NFIA: variants seen among roughly 807,000 people sequenced by gnomAD.
NFIA encodes nuclear factor 1 A-type.
NFIA carries 8 observed loss-of-function variants against 62.8 expected under a neutral mutation model. That is an observed-to-expected ratio of 0.13 (90% CI 0.07 to 0.23). The LOEUF is 0.23. Among genes scored for constraint, NFIA ranks in the 10% least tolerant of loss-of-function variants. NFIA has a pLI of 1.00. For missense variants in NFIA, 410 were observed against 642.1 expected, an observed-to-expected ratio of 0.64 and a Z score of 3.91; for synonymous variants, 235 against 238.1, an observed-to-expected ratio of 0.99 and a Z score of 0.12.
chr1:61,359,735 C>A (rs558277869), intron 6 of NFIA, among the ~76,000 whole-genome samples: 1 of 151,984 alleles, frequency 6.6e-6, no homozygotes, highest in Non-Finnish European at 1.5e-5. Context: ...CCTGCCACCA[C>A]GCCTGGCTAA....
chr1:61,089,460 G>C (rs1233015509), intron 2 of NFIA, among the ~76,000 whole-genome samples: 1 of 152,012 alleles, frequency 6.6e-6, no homozygotes, highest in Non-Finnish European at 1.5e-5. Flanking sequence ...TAAAACTATT[G>C]AGGACTGGAT....
intron 1 of NFIA, among the ~76,000 whole-genome samples, chr1:61,084,960 A>G (rs1031493044): frequency 6.6e-6 from 1 of 152,046 alleles, no homozygotes; most frequent in South Asian, 2.1e-4. Flanking sequence ...TTAGTGTAAC[A>G]GTTTGTAAAG....
chr1:61,241,222 G>A (rs1304249710), intron 2 of NFIA, among the ~76,000 whole-genome samples: 1 of 152,004 alleles, frequency 6.6e-6, no homozygotes, highest in Non-Finnish European at 1.5e-5. Context: ...GTCAATCGTG[G>A]CTGTGTTTTT....
In NFIA at chr1:61,461,910, A is replaced by G. The variant is rs146188132; in HGVS notation, c.*6590A>G. ...TTGGGCCATTTTTCCTGCTGTTTTT[A>G]TACTCAACTTCTCAAAATGAAAAAA... On this transcript the variant is annotated 3_prime_UTR_variant, in exon 11 of 11. Coordinates refer to ENST00000403491, the MANE Select transcript of NFIA (RefSeq NM_001134673.4). The G allele has an allele frequency of 2.6e-5, 4 of 151,908 alleles. No homozygotes were observed. The highest frequency in any genetic ancestry group is 4.2e-4 in the South Asian group (2 of 4,810). 9.4% of individuals were successfully genotyped at this position (151,908 alleles called of 1,614,324 possible).
At chr1:61,278,227 A>G (rs1657930907) in intron 3 of NFIA, among the ~76,000 whole-genome samples, 1 of 152,236 alleles carries the variant, frequency 6.6e-6, no homozygotes, top group Non-Finnish European at 1.5e-5. Context: ...AGTATCTGGT[A>G]AAATTTGAAT....
At chr1:61,167,428 GT>G (rs1649656476) in intron 2 of NFIA, among the ~76,000 whole-genome samples, 1 of 152,100 alleles carries the variant, frequency 6.6e-6, no homozygotes, top group Admixed American at 6.5e-5. Flanking sequence ...TTGATGCTTG[GT>G]TATTCACTGA....
chr1:61,442,028 T>C (rs1315188528), intron 10 of NFIA, among the ~76,000 whole-genome samples: 2 of 152,054 alleles, frequency 1.3e-5, no homozygotes, highest in African/African-American at 4.8e-5. Flanking sequence ...ATTATGGAAT[T>C]CGCTAATGCT....
rs908827079 is a variant in NFIA, at chr1:61,394,183, G to A, written c.1076-9921G>A. Among the ~76,000 whole-genome samples, 4 of 151,930 alleles carry A rather than the reference G, an allele frequency of 2.6e-5. No homozygotes were observed. In the East Asian group the frequency reaches 5.8e-4, roughly 22 times the overall value. Reference sequence around the variant, plus strand: ...GCGCTATTCTTTCTTACCCCCCTCTGCCCCACCCAAGACAGAGTCTTGCTC... The same window carrying A: ...GCGCTATTCTTTCTTACCCCCCTCTACCCCACCCAAGACAGAGTCTTGCTC... On this transcript the variant is annotated intron_variant, in intron 7 of 10. Coordinates refer to ENST00000403491, the MANE Select transcript of NFIA (RefSeq NM_001134673.4).
rs141641539 is a variant in NFIA at position 61,117,213 on chromosome 1, A to G, written c.559+28533A>G. 8.5e-3 allele frequency among the ~76,000 whole-genome samples: 1,299 copies of G among 152,318 alleles called. 13 individuals carry two copies. Among genetic ancestry groups the G allele is most frequent in the Non-Finnish European group, 0.011 (749 of 68,016 alleles). ...TAGGAATTCTTTATAAACTTAATAA[A>G]TGAAAGCTTTTTCTCTTATAGGCCC... On this transcript the variant is annotated intron_variant, in intron 2 of 10. Transcript: ENST00000403491.
At chr1:61,214,408 A>G (rs1211657110) in intron 2 of NFIA, among the ~76,000 whole-genome samples, 1 of 152,184 alleles carries the variant, frequency 6.6e-6, no homozygotes, top group African/African-American at 2.4e-5. Context: ...TTGGGAGTAG[A>G]AGGCAGAGAG....
chr1:61,338,668 G>T (rs955551154), intron 4 of NFIA, among the ~76,000 whole-genome samples: 1 of 152,136 alleles, frequency 6.6e-6, no homozygotes, highest in Non-Finnish European at 1.5e-5. Context: ...CGAAACTCTT[G>T]GGTAGGAACA....
intron 4 of NFIA, among the ~76,000 whole-genome samples, chr1:61,334,652 T>C (rs890560657): frequency 1.8e-4 from 27 of 145,960 alleles, no homozygotes; most frequent in Non-Finnish European, 2.8e-4. Context: ...TATAGGAAAA[T>C]ACATTCATTG....
intron 2 of NFIA, among the ~76,000 whole-genome samples, chr1:61,236,226 G>C (rs1463848974): frequency 6.6e-6 from 1 of 151,994 alleles, no homozygotes; most frequent in Non-Finnish European, 1.5e-5. Context: ...ATCAACATGG[G>C]AACAGCCATC....
At chr1:61,219,654 CAG>C (rs1653882584) in intron 2 of NFIA, among the ~76,000 whole-genome samples, 1 of 149,240 alleles carries the variant, frequency 6.7e-6, no homozygotes, top group Admixed American at 6.7e-5. Flanking sequence ...GCGGAGCTTG[CAG>C]TGAGCCGAGA....
At chr1:61,078,505 T>C (rs1199905183), upstream of NFIA, among the ~76,000 whole-genome samples, 6 of 152,218 alleles carry the variant, frequency 3.9e-5, no homozygotes, top group Non-Finnish European at 5.9e-5. Context: ...AAGTAATATA[T>C]TGCGTATTCA....
intron 2 of NFIA, among the ~76,000 whole-genome samples, chr1:61,258,576 T>G (rs1449356889): frequency 3.3e-5 from 5 of 152,156 alleles, no homozygotes; most frequent in Non-Finnish European, 7.4e-5. Flanking sequence ...TGATGTATAT[T>G]AAGGGGTCTT....
rs986828400 is a variant in NFIA at position 61,142,323 on chromosome 1, A to T, written c.559+53643A>T. ...AGGGCTGTAAAGTTAAAAATAGACA[A>T]TTCTGCCTTCTGTTTATGGTAAACT... On this transcript the variant is annotated intron_variant, in intron 2 of 10. Transcript: ENST00000403491. Among the ~76,000 whole-genome samples, 6 of 152,318 alleles carry T rather than the reference A, an allele frequency of 3.9e-5. No individual in the cohort carries two copies. The South Asian group carries it at 1.0e-3, about 26-fold the overall frequency.
At chr1:61,319,141 G>A (rs1660529889) in intron 3 of NFIA, among the ~76,000 whole-genome samples, 1 of 152,038 alleles carries the variant, frequency 6.6e-6, no homozygotes, top group East Asian at 1.9e-4. Flanking sequence ...TTTTATGCAT[G>A]GAAATTACCA....
intron 2 of NFIA, among the ~76,000 whole-genome samples, chr1:61,108,982 A>G (rs1389775293): frequency 6.6e-6 from 1 of 151,830 alleles, no homozygotes; most frequent in Non-Finnish European, 1.5e-5. Context: ...AGGGAAAAGA[A>G]TTACCATATT....
Sources: gnomAD v4.1 joint callset for allele counts (sites outside exome capture counted in the v4.1 genomes callset) on GRCh38, gnomAD v4.1.1 for gene constraint, MANE v1.5 for transcripts, NCBI Gene and HGNC (gene_info 2026-07-23, HGNC 2026-07-21) for gene names.